The following RARB variants were observed in gnomAD, a reference collection of about 807,000 sequenced individuals.
RARB encodes the protein retinoic acid receptor beta, also known as HBV-activated protein.
Under a neutral mutation model 51.9 loss-of-function variants are expected in RARB, and 17 were observed. That is an observed-to-expected ratio of 0.33 (90% CI 0.22 to 0.49). The LOEUF is 0.49. Among genes scored for constraint, RARB ranks in the 20% least tolerant of loss-of-function variants. The probability of loss-of-function intolerance (pLI) is 0.99; values close to 1 mark genes in which losing one functional copy is unlikely to be tolerated. For missense variants in RARB, 369 were observed against 550.8 expected, an observed-to-expected ratio of 0.67 and a Z score of 3.30; for synonymous variants, 215 against 195.4, an observed-to-expected ratio of 1.10 and a Z score of -0.84.
intron 5 of RARB, among the ~76,000 whole-genome samples, chr3:25,256,814 A>T (rs1702876377): frequency 6.6e-6 from 1 of 152,092 alleles, no homozygotes; most frequent in Non-Finnish European, 1.5e-5. Context: ...GGAAAAAAAA[A>T]ATAAGAATAT....
At chr3:25,412,094 T>C (rs1046180558) in intron 5 of RARB, among the ~76,000 whole-genome samples, 1 of 152,234 alleles carries the variant, frequency 6.6e-6, no homozygotes, top group African/African-American at 2.4e-5. Context: ...TGGAAATGAC[T>C]CTGCAAATTA....
In RARB at chr3:25,146,492, G is replaced by GTTTTTTTTT. The variant is rs751190061; in HGVS notation, c.-280+14290_-280+14291insTTTTTTTTT. ...CAGCCTGCAGGCTATAATTTGCTAA[G>GTTTTTTTTT]TTTTTTGTTTGTTTGTTTGTTTTTT... On this transcript the variant is annotated intron_variant, in intron 4 of 11. Transcript: ENST00000383772. Among the ~76,000 whole-genome samples, 56 of 126,314 alleles carry GTTTTTTTTT rather than the reference G, an allele frequency of 4.4e-4. 1 individual carries two copies. The highest frequency in any genetic ancestry group is 8.0e-4 in the Non-Finnish European group (47 of 58,978). The allele number at this position is 126,314 out of a possible 152,430, so 82.9% of individuals were successfully genotyped here.
chr3:24,885,592 C>A (rs1703251848), intron 2 of RARB, among the ~76,000 whole-genome samples: 1 of 151,996 alleles, frequency 6.6e-6, no homozygotes, highest in African/African-American at 2.4e-5. Context: ...TCAAAATGAA[C>A]CTACATTTTT....
At chr3:24,925,743 T>C (rs1695307820) in intron 2 of RARB, among the ~76,000 whole-genome samples, 1 of 151,470 alleles carries the variant, frequency 6.6e-6, no homozygotes, top group East Asian at 1.9e-4. Context: ...AATAGAGATA[T>C]CTTTCTTAGA....
At chr3:25,369,104 C>A (rs1004988473) in intron 5 of RARB, among the ~76,000 whole-genome samples, 1 of 152,150 alleles carries the variant, frequency 6.6e-6, no homozygotes, top group South Asian at 2.1e-4. Flanking sequence ...AATTACATAG[C>A]AATTTCTTTC....
In RARB at chr3:25,531,761, C is replaced by T. The variant is rs1307856462; in HGVS notation, c.448+30438C>T. ...AAAAAAGCAGATACCACTTTCATGG[C>T]CTGCAAATTATAAAAATTTTGTGTC... On this transcript the variant is annotated intron_variant, in intron 3 of 7. Coordinates refer to ENST00000330688, the MANE Select transcript of RARB (RefSeq NM_000965.5). Among the ~76,000 whole-genome samples, 54 of 148,836 alleles carry T rather than the reference C, an allele frequency of 3.6e-4. 2 individuals carry two copies. The highest frequency in any genetic ancestry group is 3.6e-3 in the Admixed American group (54 of 14,940).
chr3:24,869,687 T>C (rs1206647255), intron 2 of RARB, among the ~76,000 whole-genome samples: 1 of 152,142 alleles, frequency 6.6e-6, no homozygotes, highest in East Asian at 1.9e-4. Flanking sequence ...AGCACATTCA[T>C]TCTCTTTTGT....
Position 25,083,139 on chromosome 3 carries a change from C to CTT in RARB, c.-328+22969_-328+22970dup, listed in dbSNP as rs34416675. 8.9e-4 allele frequency among the ~76,000 whole-genome samples: 135 copies of CTT among 151,706 alleles called. 1 individual carries two copies. The highest frequency in any genetic ancestry group is 3.0e-3 in the African/African-American group (123 of 41,466). Reference sequence around the variant, plus strand: ...TATTATATCATTAGGTATGATTTTTCTTTTTTTCTGATTGGGATTCATTCA... The same window carrying CTT: ...TATTATATCATTAGGTATGATTTTTCTTTTTTTTTCTGATTGGGATTCATTCA... On this transcript the variant is annotated intron_variant, in intron 3 of 11. Coordinates refer to the RARB transcript ENST00000383772.
intron 3 of RARB, among the ~76,000 whole-genome samples, chr3:25,106,958 T>A (rs1253303029): frequency 6.6e-6 from 1 of 151,994 alleles, no homozygotes; most frequent in Non-Finnish European, 1.5e-5. Flanking sequence ...TGGAGTCCAG[T>A]GGCACGATCT....
chr3:25,093,589 A>G (rs1699240056), intron 3 of RARB, among the ~76,000 whole-genome samples: 1 of 152,188 alleles, frequency 6.6e-6, no homozygotes, highest in Non-Finnish European at 1.5e-5. Context: ...TGTAGACATA[A>G]ACAATTACCT....
intron 3 of RARB, among the ~76,000 whole-genome samples, chr3:25,554,870 G>A (rs952591568): frequency 2.0e-5 from 3 of 152,148 alleles, no homozygotes; most frequent in Non-Finnish European, 4.4e-5. Flanking sequence ...AGGATTGGGT[G>A]TGTTAACATG....
chr3:25,334,264 A>G (rs192103171), intron 5 of RARB, among the ~76,000 whole-genome samples: 7 of 152,292 alleles, frequency 4.6e-5, no homozygotes, highest in African/African-American at 1.4e-4. Flanking sequence ...AATAACAAAG[A>G]CTTGGAACCA....
chr3:25,334,401 C>T (rs1704999048), intron 5 of RARB, among the ~76,000 whole-genome samples: 1 of 152,034 alleles, frequency 6.6e-6, no homozygotes, highest in Non-Finnish European at 1.5e-5. Context: ...AAGTAGGAAA[C>T]CATCATTCTG....
chr3:25,304,435 C>G (rs1704111412), intron 5 of RARB, among the ~76,000 whole-genome samples: 1 of 152,180 alleles, frequency 6.6e-6, no homozygotes, highest in Non-Finnish European at 1.5e-5. Context: ...TAGTATTGCC[C>G]TCTTAGATGG....
intron 2 of RARB, among the ~76,000 whole-genome samples, chr3:24,898,318 AAATAT>A (rs1199536219): frequency 2.0e-5 from 3 of 146,618 alleles, no homozygotes; most frequent in Non-Finnish European, 3.0e-5. Context: ...AATAAATTAT[AAATAT>A]AATATTTATA....
At chr3:25,193,667 G>C (rs1247722911) in intron 5 of RARB, among the ~76,000 whole-genome samples, 2 of 151,888 alleles carry the variant, frequency 1.3e-5, no homozygotes, top group Non-Finnish European at 2.9e-5. Context: ...GCTAGCAGCT[G>C]TTGTGATATT....
At chr3:25,242,977 A>G (rs1393259182) in intron 5 of RARB, among the ~76,000 whole-genome samples, 3 of 151,776 alleles carry the variant, frequency 2.0e-5, no homozygotes, top group Non-Finnish European at 4.4e-5. Context: ...GTCCTCTCTT[A>G]TTTTCTTGAG....
chr3:25,095,399 T>C (rs893312102), intron 3 of RARB, among the ~76,000 whole-genome samples: 3 of 152,112 alleles, frequency 2.0e-5, no homozygotes, highest in Admixed American at 6.5e-5. Flanking sequence ...ATTCTTGGGT[T>C]CCACACTAGA....
At chr3:25,363,067 A>C (rs1281956521) in intron 5 of RARB, among the ~76,000 whole-genome samples, 1 of 152,232 alleles carries the variant, frequency 6.6e-6, no homozygotes, top group African/African-American at 2.4e-5. Flanking sequence ...CTTTGATTCA[A>C]CCTAACCCAT....
Sources: gnomAD v4.1 joint callset for allele counts (sites outside exome capture counted in the v4.1 genomes callset) on GRCh38, gnomAD v4.1.1 for gene constraint, MANE v1.5 for transcripts, NCBI Gene and HGNC (gene_info 2026-07-23, HGNC 2026-07-21) for gene names.